Variants in TBC1D22A observed in about 807,000 individuals in gnomAD.
The protein encoded by TBC1D22A is TBC1 domain family member 22A, also known as putative GTPase activator.
In TBC1D22A, 38 loss-of-function variants were observed where a neutral mutation model predicts 60.2. The observed-to-expected ratio is 0.63, with a 90% CI of 0.49 to 0.83. The LOEUF is 0.83. TBC1D22A is among the 40% of genes least tolerant of loss of function. The pLI, the probability that TBC1D22A is intolerant of heterozygous loss-of-function variation, is 0.00. For missense variants in TBC1D22A, 628 were observed against 701.0 expected (o/e 0.90, Z 1.18); for synonymous variants, 302 against 281.7 (o/e 1.07, Z -0.72).
intron 1 of TBC1D22A, among the ~76,000 whole-genome samples, chr22:46,781,334 C>T (rs2083928019): frequency 6.6e-6 from 1 of 151,990 alleles, no homozygotes; most frequent in South Asian, 2.1e-4. Context: ...CACCACCATG[C>T]CTGGTTAATT....
intron 4 of TBC1D22A, among the ~76,000 whole-genome samples, chr22:46,826,287 A>G (rs562754545): frequency 1.8e-4 from 27 of 152,282 alleles, no homozygotes; most frequent in Non-Finnish European, 2.9e-4. Flanking sequence ...GCTGGGCCAC[A>G]CTTTCCTGGC....
intron 5 of TBC1D22A, among the ~76,000 whole-genome samples, chr22:46,879,148 C>T (rs1163477270): frequency 1.2e-4 from 17 of 142,950 alleles, no homozygotes; most frequent in Admixed American, 2.1e-4. Context: ...GTATTAGTAG[C>T]GCTGTTAGGA....
intron 10 of TBC1D22A, among the ~76,000 whole-genome samples, chr22:47,006,262 CT>C (rs1165885212): frequency 1.3e-5 from 2 of 152,212 alleles, no homozygotes; most frequent in Non-Finnish European, 2.9e-5. Flanking sequence ...TATAAATAAA[CT>C]TTTCTCATTT....
chr22:46,855,831 A>G (rs1362783099), intron 4 of TBC1D22A, among the ~76,000 whole-genome samples: 1 of 152,142 alleles, frequency 6.6e-6, no homozygotes, highest in African/African-American at 2.4e-5. Flanking sequence ...TTGAAATTAT[A>G]TGTAGGGGAC....
At chr22:47,016,087 C>T (rs780917034) in intron 10 of TBC1D22A, among the ~76,000 whole-genome samples, 74 of 152,190 alleles carry the variant, frequency 4.9e-4, no homozygotes, top group Non-Finnish European at 6.6e-4. Flanking sequence ...GGTTCTGTCC[C>T]GGCACGCTTC....
intron 4 of TBC1D22A, among the ~76,000 whole-genome samples, chr22:46,815,788 G>A (rs1180626350): frequency 1.3e-5 from 2 of 152,182 alleles, no homozygotes; most frequent in Admixed American, 6.5e-5. Flanking sequence ...CAAGGTGAAG[G>A]AAGGGGATGG....
intron 4 of TBC1D22A, among the ~76,000 whole-genome samples, chr22:46,822,103 C>T (rs139537603): frequency 0.036 from 5,406 of 151,982 alleles, 127 homozygotes; most frequent in Non-Finnish European, 0.054. Context: ...ATTTATGTTC[C>T]TCTCTAAACT....
At chr22:46,984,244 G>C (rs1445499485) in intron 9 of TBC1D22A, among the ~76,000 whole-genome samples, 1 of 151,480 alleles carries the variant, frequency 6.6e-6, no homozygotes, top group Non-Finnish European at 1.5e-5. Context: ...GCGCGCGCCT[G>C]TAATCCCATC....
intron 11 of TBC1D22A, among the ~76,000 whole-genome samples, chr22:47,101,746 TGGATGG>T (rs2065425608): frequency 2.0e-5 from 3 of 151,978 alleles, no homozygotes; most frequent in Non-Finnish European, 2.9e-5. Context: ...CCGAGTTAGG[TGGATGG>T]GGCCTCATAT....
intron 4 of TBC1D22A, among the ~76,000 whole-genome samples, chr22:46,849,148 T>G (rs2087157254): frequency 6.6e-6 from 1 of 152,224 alleles, no homozygotes; most frequent in Non-Finnish European, 1.5e-5. Context: ...ATTATTATTC[T>G]GATGCTGGAC....
chr22:46,905,033 C>G (rs1372749395), intron 7 of TBC1D22A, among the ~76,000 whole-genome samples: 1 of 152,228 alleles, frequency 6.6e-6, no homozygotes, highest in East Asian at 1.9e-4. Flanking sequence ...CTCGGCCTCC[C>G]GAAGTGCTGG....
Position 47,174,332 on chromosome 22 carries a change from A to T in TBC1D22A, c.*706A>T, listed in dbSNP as rs2068599355. The T allele has an allele frequency of 6.6e-6, 1 of 152,200 alleles. No homozygotes were observed. The highest frequency in any genetic ancestry group is 2.4e-5 in the African/African-American group (1 of 41,444). 9.4% of individuals were successfully genotyped at this position (152,200 alleles called of 1,614,324 possible). ...ACTTTCCACCTTGAACCTCTTTTACAAGAGAGAAACCCCCACCTCCCTGAG... is the reference window on the plus strand; with the variant it reads ...ACTTTCCACCTTGAACCTCTTTTACTAGAGAGAAACCCCCACCTCCCTGAG... On this transcript the variant is annotated 3_prime_UTR_variant, in exon 13 of 13. Transcript: ENST00000337137.
rs376426148 is a variant in TBC1D22A, at chr22:47,003,863, A to C, written c.1201+6154A>C. ...CCTACGCACACATGCCTGTATACAC[A>C]CACCCACCAGATACATATACACACA... On this transcript the variant is annotated intron_variant, in intron 10 of 12. Coordinates refer to ENST00000337137, the MANE Select transcript of TBC1D22A (RefSeq NM_014346.5). Among the ~76,000 whole-genome samples, 8 of 139,406 alleles carry C rather than the reference A, an allele frequency of 5.7e-5. No individual in the cohort carries two copies. In the East Asian group the frequency reaches 1.1e-3, roughly 20 times the overall value. The allele number at this position is 139,406 out of a possible 152,430, so 91.5% of individuals were successfully genotyped here.
chr22:47,160,175 C>T (rs891373029), intron 12 of TBC1D22A, among the ~76,000 whole-genome samples: 4 of 152,254 alleles, frequency 2.6e-5, no homozygotes, highest in African/African-American at 9.6e-5. Context: ...TTGTGCTTCC[C>T]GTGCAGACAC....
chr22:46,867,903 C>T lies in TBC1D22A; in HGVS notation c.638-10750C>T, dbSNP rs552787751. Among the ~76,000 whole-genome samples, 22 of 152,334 alleles carry T rather than the reference C, an allele frequency of 1.4e-4. 1 individual carries two copies. Among genetic ancestry groups the T allele is most frequent in the African/African-American group, 2.9e-4 (12 of 41,580 alleles). On this transcript the variant is annotated intron_variant, in intron 4 of 12. Coordinates refer to ENST00000337137, the MANE Select transcript of TBC1D22A (RefSeq NM_014346.5). ...AATGCCTTCTCATCCCTAGAGCACCCGCTTCCTGGTCCCTCAGCTGCTTCT... is the reference window on the plus strand; with the variant it reads ...AATGCCTTCTCATCCCTAGAGCACCTGCTTCCTGGTCCCTCAGCTGCTTCT...
chr22:46,818,728 G>C (rs2085704106), intron 4 of TBC1D22A, among the ~76,000 whole-genome samples: 1 of 152,178 alleles, frequency 6.6e-6, no homozygotes, highest in Admixed American at 6.5e-5. Flanking sequence ...TATGGGGTTT[G>C]ATTCCGTATG....
chr22:47,102,611 T>G (rs1471382253), intron 11 of TBC1D22A, among the ~76,000 whole-genome samples: 1 of 152,226 alleles, frequency 6.6e-6, no homozygotes, highest in Non-Finnish European at 1.5e-5. Flanking sequence ...CCAAGACAAA[T>G]AATCCACTTA....
intron 9 of TBC1D22A, among the ~76,000 whole-genome samples, chr22:46,979,853 C>G (rs1451662520): frequency 6.6e-6 from 1 of 152,052 alleles, no homozygotes; most frequent in Non-Finnish European, 1.5e-5. Context: ...ATAACAGACC[C>G]CTTGAAAGGT....
At chr22:47,113,767 A>C (rs190271975) in intron 12 of TBC1D22A, among the ~76,000 whole-genome samples, 87 of 152,290 alleles carry the variant, frequency 5.7e-4, no homozygotes, top group African/African-American at 2.1e-3. Flanking sequence ...CCTGTTGTGA[A>C]TACGTGCAGA....
Sources: gnomAD v4.1 joint callset for allele counts (sites outside exome capture counted in the v4.1 genomes callset) on GRCh38, gnomAD v4.1.1 for gene constraint, MANE v1.5 for transcripts, NCBI Gene and HGNC (gene_info 2026-07-23, HGNC 2026-07-21) for gene names.